CUX2: variants seen among roughly 807,000 people sequenced by gnomAD.
CUX2 encodes the protein homeobox protein cut-like 2.
A neutral mutation model predicts 144.8 loss-of-function variants in CUX2; 40 were observed. The observed-to-expected ratio is 0.28, with a 90% CI of 0.21 to 0.36. The LOEUF (loss-of-function observed/expected upper bound fraction) is 0.36. CUX2 is among the 10% of genes least tolerant of loss of function. CUX2 has a pLI of 1.00. For missense variants in CUX2, 1,615 were observed against 1,994.0 expected (o/e 0.81, Z 3.62); for synonymous variants, 827 against 875.6 (o/e 0.94, Z 0.98).
chr12:111,345,211 A>G (rs897410700), intron 21 of CUX2, among the ~76,000 whole-genome samples: 7 of 151,520 alleles, frequency 4.6e-5, no homozygotes, highest in African/African-American at 1.7e-4. Flanking sequence ...GCACTTTGGG[A>G]GGCCAAGGCA....
chr12:111,233,774 T>C (rs1882599281), intron 3 of CUX2, among the ~76,000 whole-genome samples: 3 of 152,318 alleles, frequency 2.0e-5, no homozygotes, highest in Admixed American at 6.5e-5. Context: ...TACTGAGAAG[T>C]TGAAGAGCTA....
chr12:111,239,505 A>G (rs1882917741), intron 3 of CUX2, among the ~76,000 whole-genome samples: 1 of 152,146 alleles, frequency 6.6e-6, no homozygotes, highest in South Asian at 2.1e-4. Flanking sequence ...GAAATTAATG[A>G]TACATCGACA....
intron 1 of CUX2, among the ~76,000 whole-genome samples, chr12:111,047,113 C>T (rs565805609): frequency 6.6e-6 from 1 of 152,308 alleles, no homozygotes; most frequent in Non-Finnish European, 1.5e-5. Flanking sequence ...ATGAGCACCA[C>T]CCGGCCATCC....
Position 111,304,202 on chromosome 12 carries a change from C to T in CUX2, c.754-8C>T, listed in dbSNP as rs1886461445. On this transcript the variant is annotated splice_polypyrimidine_tract_variant and splice_region_variant and intron_variant, in intron 9 of 21. Transcript: ENST00000261726. This position sits in a 1 kb window ranked among gnomAD's most constrained non-coding sequence, Gnocchi z 4.7. ...CACCTCTCGCCCACACTGTCCCCTT[C>T]TCCCCAGCGAGCTGAGGCTGCCCAG... 3.1e-6 allele frequency: 5 copies of T among 1,609,694 alleles called. No individual in the cohort carries two copies. In the East Asian group the frequency reaches 1.1e-4, roughly 36 times the overall value.
chr12:111,278,412 C>A (rs1353630910), intron 4 of CUX2, among the ~76,000 whole-genome samples: 1 of 152,146 alleles, frequency 6.6e-6, no homozygotes, highest in Non-Finnish European at 1.5e-5. Context: ...CAGAGCAAGA[C>A]CCTGTCTCTA....
intron 1 of CUX2, among the ~76,000 whole-genome samples, chr12:111,165,579 C>T (rs1043728881): frequency 1.5e-4 from 23 of 152,214 alleles, no homozygotes; most frequent in African/African-American, 5.3e-4. Context: ...ACTGTATGAC[C>T]CTGGGTGAAG....
At chr12:111,302,918 A>G (rs1461152405) in intron 9 of CUX2, among the ~76,000 whole-genome samples, 1 of 133,252 alleles carries the variant, frequency 7.5e-6, no homozygotes, top group African/African-American at 3.1e-5. Flanking sequence ...AAAAAAAAAA[A>G]GAAAAGAAAA....
In CUX2 at chr12:111,338,399, G is replaced by T; in HGVS notation, c.3310G>T (p.Val1104Phe). ...GAGCCTGAAGGGGCGGGAGCCTTTT[G>T]TCCGCATGCAGCTGTGGCTCAATGA... The part of the protein sequence containing the change: ...KLSLKGREPF[V>F]RMQLWLNDPH... Residue 1104 changes from valine (V) to phenylalanine (F), a missense_variant, in exon 20 of 22, where the codon GTC becomes TTC. By Grantham distance (50) the Val-to-Phe change is conservative. Coordinates refer to ENST00000261726, the MANE Select transcript of CUX2 (RefSeq NM_015267.4). 2 of 1,614,162 alleles carry T rather than the reference G, an allele frequency of 1.2e-6. No homozygotes were observed. Among genetic ancestry groups the T allele is most frequent in the Non-Finnish European group, 1.7e-6 (2 of 1,180,018 alleles).
chr12:111,234,030 C>T (rs1240440103), intron 3 of CUX2, among the ~76,000 whole-genome samples: 1 of 152,192 alleles, frequency 6.6e-6, no homozygotes, highest in Non-Finnish European at 1.5e-5. Flanking sequence ...GTGGTCACAT[C>T]ATTTCTGCCC....
intron 1 of CUX2, among the ~76,000 whole-genome samples, chr12:111,138,708 C>T (rs1876092515): frequency 6.6e-6 from 1 of 152,206 alleles, no homozygotes; most frequent in East Asian, 1.9e-4. Flanking sequence ...CACCCATCCC[C>T]GCTGTGACTT....
rs372885733 is a variant in CUX2 at position 111,136,977 on chromosome 12, G to T, written c.64-77223G>T. On this transcript the variant is annotated intron_variant, in intron 1 of 21. Coordinates refer to ENST00000261726, the MANE Select transcript of CUX2 (RefSeq NM_015267.4). ...TTTTGAGACAGGGTCTCGCTCTGTT[G>T]CCCAGGCTGGAGTGCAGTGGCACGA... Among the ~76,000 whole-genome samples the T allele has an allele frequency of 2.7e-5, 4 of 147,106 alleles. No homozygotes were observed. In the South Asian group the frequency reaches 6.4e-4, roughly 24 times the overall value.
At chr12:111,271,742 C>T (rs1044350204) in intron 4 of CUX2, among the ~76,000 whole-genome samples, 6 of 152,188 alleles carry the variant, frequency 3.9e-5, no homozygotes, top group African/African-American at 1.2e-4. Context: ...TGTTATAAAG[C>T]ATTCATATTT....
At chr12:111,329,654 G>A (rs535934089) in intron 18 of CUX2, among the ~76,000 whole-genome samples, 8 of 152,166 alleles carry the variant, frequency 5.3e-5, no homozygotes, top group African/African-American at 1.7e-4. Context: ...GTTTGTTTTC[G>A]AGGTGGAGTC....
chr12:111,303,114 A>T (rs1886377769), intron 9 of CUX2, among the ~76,000 whole-genome samples: 1 of 148,924 alleles, frequency 6.7e-6, no homozygotes, highest in Non-Finnish European at 1.5e-5. Flanking sequence ...CCAGTTACTC[A>T]GGAGGCTGAG....
At chr12:111,292,894 G>A (rs1232085741) in intron 5 of CUX2, among the ~76,000 whole-genome samples, 3 of 152,122 alleles carry the variant, frequency 2.0e-5, no homozygotes, top group Non-Finnish European at 2.9e-5. Flanking sequence ...AGGCCAAGGC[G>A]GGCAGATCAC....
chr12:111,123,264 C>T (rs1389807659), intron 1 of CUX2, among the ~76,000 whole-genome samples: 1 of 152,314 alleles, frequency 6.6e-6, no homozygotes, highest in Admixed American at 6.5e-5. Flanking sequence ...CTCACTGCAA[C>T]CTCCGCCTCC....
intron 2 of CUX2, among the ~76,000 whole-genome samples, chr12:111,214,775 G>T (rs528892423): frequency 1.3e-5 from 2 of 151,518 alleles, no homozygotes; most frequent in Non-Finnish European, 2.9e-5. Context: ...CCCCTTCACC[G>T]CCTCCCTTGC....
At chr12:111,302,570 T>G (rs1360029492) in intron 9 of CUX2, among the ~76,000 whole-genome samples, 1 of 152,230 alleles carries the variant, frequency 6.6e-6, no homozygotes, top group African/African-American at 2.4e-5. Context: ...TATTAACATT[T>G]GAATGCTTCC....
rs1023334604 is a variant in CUX2, at chr12:111,057,459, A to T, written c.63+23219A>T. On this transcript the variant is annotated intron_variant, in intron 1 of 21. Coordinates refer to ENST00000261726, the MANE Select transcript of CUX2 (RefSeq NM_015267.4). The surrounding 1 kb of genome is among the most constrained non-coding windows in gnomAD (Gnocchi z 5.1). ...GGGCCTGCCAGTGACAGGGCCCTAG[A>T]TGCTGACAGCACCACCTTTCCTTGC... 1.3e-5 allele frequency among the ~76,000 whole-genome samples: 2 copies of T among 152,080 alleles called. No homozygotes were observed. Among genetic ancestry groups the T allele is most frequent in the African/African-American group, 2.4e-5 (1 of 41,404 alleles).
Sources: gnomAD v4.1 joint callset for allele counts (sites outside exome capture counted in the v4.1 genomes callset) on GRCh38, gnomAD v4.1.1 for gene constraint, Gnocchi (gnomAD v3.1) non-coding constraint, MANE v1.5 for transcripts, NCBI Gene and HGNC (gene_info 2026-07-23, HGNC 2026-07-21) for gene names.